The following TPM2 variants were observed in gnomAD, a reference collection of about 807,000 sequenced individuals.
TPM2 encodes the protein tropomyosin beta chain.
Under a neutral mutation model 41.0 loss-of-function variants are expected in TPM2, and 26 were observed. The observed-to-expected ratio is 0.63, with a 90% CI of 0.46 to 0.88. The LOEUF is 0.88. TPM2 is among the 40% of genes least tolerant of loss of function. TPM2 has a pLI of 0.00. For synonymous variants in TPM2, 143 were observed against 139.3 expected, an observed-to-expected ratio of 1.03 and a Z score of -0.19; for missense variants, 187 against 355.2, an observed-to-expected ratio of 0.53 and a Z score of 3.81.
In TPM2 at chr9:35,683,243, T is replaced by TGGGG; in HGVS notation, c.773-6_773-3dup. Reference sequence around the variant, plus strand: ...TCATCTTCTGGGCATAGACTTCATCTGGGGGGGGTCCAGGGAGGGGACCAG... The same window carrying TGGGG: ...TCATCTTCTGGGCATAGACTTCATCTGGGGGGGGGGGGTCCAGGGAGGGGACCAG... On this transcript the variant is annotated splice_polypyrimidine_tract_variant and splice_region_variant and intron_variant, in intron 8 of 8. Transcript: ENST00000645482. The TGGGG allele has an allele frequency of 6.7e-7, 1 of 1,493,472 alleles. No individual in the cohort carries two copies. The highest frequency in any genetic ancestry group is 9.1e-7 in the Non-Finnish European group (1 of 1,096,532). The allele number at this position is 1,493,472 out of a possible 1,614,324, so 92.5% of individuals were successfully genotyped here.
chr9:35,686,662 A>G (rs1397717744), intron 2 of TPM2, among the ~76,000 whole-genome samples: 1 of 146,610 alleles, frequency 6.8e-6, no homozygotes, highest in Non-Finnish European at 1.5e-5. Flanking sequence ...AAAAAGTATC[A>G]AGTTCAGTGA....
chr9:35,685,313 T>C lies in TPM2; in HGVS notation c.519A>G (p.Glu173=). 6 of 1,614,182 alleles carry C rather than the reference T, an allele frequency of 3.7e-6. No homozygotes were observed. Among genetic ancestry groups the C allele is most frequent in the Non-Finnish European group, 4.2e-6 (5 of 1,180,012 alleles). Residue 173 remains glutamate, a synonymous_variant, in exon 5 of 9, where the codon GAA becomes GAG. Transcript: ENST00000645482. This position sits in a 1 kb window ranked among gnomAD's most constrained non-coding sequence, Gnocchi z 5.0. ...EEVARKLVIL[E]GELERSEERA... ...TCTCCTCCGAGCGCTCCAGCTCTCCTTCCAGGATCACCAGCTTCCTGGCCA... is the reference window on the plus strand; with the variant it reads ...TCTCCTCCGAGCGCTCCAGCTCTCCCTCCAGGATCACCAGCTTCCTGGCCA...
chr9:35,689,996 C>A, upstream of TPM2: 1 of 1,462,756 alleles, frequency 6.8e-7, no homozygotes. Context: ...CAGGACCCTC[C>A]CCCACCTCGG....
chr9:35,683,374 G>A (rs1266360173), intron 8 of TPM2, 133 bp from the exon 9 acceptor site: 2 of 889,706 alleles, frequency 2.2e-6, no homozygotes, highest in Admixed American at 2.1e-5. Context: ...GAGAGAGGGA[G>A]GCCAGGGAAC....
chr9:35,683,567 A>G (rs1465936139), intron 8 of TPM2, among the ~76,000 whole-genome samples: 3 of 152,220 alleles, frequency 2.0e-5, no homozygotes, highest in African/African-American at 7.2e-5. Flanking sequence ...CTGGAGCCAG[A>G]AAGGGCAAAC....
At chr9:35,686,804 A>C (rs1363794794) in intron 2 of TPM2, among the ~76,000 whole-genome samples, 2 of 152,156 alleles carry the variant, frequency 1.3e-5, no homozygotes, top group Non-Finnish European at 2.9e-5. Flanking sequence ...ATGCAGGGGC[A>C]GTGTGAGGGA....
At chr9:35,684,966 C>A in intron 5 of TPM2, 159 bp from the exon 6 acceptor site, 1 of 1,612,596 alleles carries the variant, frequency 6.2e-7, no homozygotes, top group South Asian at 1.1e-5. Flanking sequence ...CTTCCTGATC[C>A]CCAGCAGCTG....
In TPM2 at chr9:35,685,019, TGA is replaced by T. The variant is rs753031113; in HGVS notation, c.564-214_564-213del. Reference sequence around the variant, plus strand: ...GTGCTGAGACGGAGGGAAGGTGAGCTGAGAGAAGGCGCCATTGCCCAGAAAGG... The same window carrying T: ...GTGCTGAGACGGAGGGAAGGTGAGCTGAGAAGGCGCCATTGCCCAGAAAGG... On this transcript the variant is annotated intron_variant, in intron 5 of 8. Transcript: ENST00000645482. The surrounding 1 kb of genome is among the most constrained non-coding windows in gnomAD (Gnocchi z 5.0). 205 of 1,614,130 alleles carry T rather than the reference TGA, an allele frequency of 1.3e-4. No homozygotes were observed. Among genetic ancestry groups the T allele is most frequent in the Non-Finnish European group, 1.6e-4 (183 of 1,179,996 alleles).
In TPM2 at chr9:35,685,392, T is replaced by C. The variant is rs765401257; in HGVS notation, c.492+42A>G. On this transcript the variant is annotated intron_variant, in intron 4 of 8. Coordinates refer to ENST00000645482, the MANE Select transcript of TPM2 (RefSeq NM_003289.4). The surrounding 1 kb of genome is among the most constrained non-coding windows in gnomAD (Gnocchi z 5.0). ...ATCAGTGGAGAAGGACTGGGCATGT[T>C]GCAGGCTGGGCAGCGAGCAGGCAGA... 1 of 1,614,154 alleles carries C rather than the reference T, an allele frequency of 6.2e-7. No homozygotes were observed. The highest frequency in any genetic ancestry group is 8.5e-7 in the Non-Finnish European group (1 of 1,180,004).
chr9:35,685,397 G>A lies in TPM2; in HGVS notation c.492+37C>T, dbSNP rs112951917. 1.2e-3 allele frequency: 1,903 copies of A among 1,614,160 alleles called. 17 individuals carry two copies. In the African/African-American group the frequency reaches 0.022, roughly 19 times the overall value. On this transcript the variant is annotated intron_variant, in intron 4 of 8. Coordinates refer to ENST00000645482, the MANE Select transcript of TPM2 (RefSeq NM_003289.4). The surrounding 1 kb of genome is among the most constrained non-coding windows in gnomAD (Gnocchi z 5.0). Reference sequence around the variant, plus strand: ...TGGAGAAGGACTGGGCATGTTGCAGGCTGGGCAGCGAGCAGGCAGAGGGGC... The same window carrying A: ...TGGAGAAGGACTGGGCATGTTGCAGACTGGGCAGCGAGCAGGCAGAGGGGC...
chr9:35,684,853 G>A (rs781408147), intron 5 of TPM2, 46 bp from the exon 6 acceptor site: 30 of 1,613,582 alleles, frequency 1.9e-5, no homozygotes, highest in Admixed American at 1.2e-4. Context: ...AGGGCACAGC[G>A]AAGCCAGACA....
At position 35,688,790 on chromosome 9, in the gene TPM2, G is replaced by A. The variant is rs1021762118; in HGVS notation, c.240+356C>T. Among the ~76,000 whole-genome samples the A allele has an allele frequency of 5.3e-5, 8 of 152,076 alleles. No individual in the cohort carries two copies. The South Asian group carries it at 1.7e-3, about 32-fold the overall frequency. On this transcript the variant is annotated intron_variant, in intron 2 of 8. Coordinates refer to ENST00000645482, the MANE Select transcript of TPM2 (RefSeq NM_003289.4). ...CATCCACATCCCCCCATCCCCAAAC[G>A]GCTGCAGTCTCCTCTCCAATTTCAG...
At chr9:35,688,687 A>C (rs1378542140) in intron 2 of TPM2, among the ~76,000 whole-genome samples, 1 of 152,102 alleles carries the variant, frequency 6.6e-6, no homozygotes, top group Admixed American at 6.6e-5. Flanking sequence ...GGGAATTTCT[A>C]ATGGCCCCTT....
chr9:35,684,918 TGA>T, intron 5 of TPM2, 111 bp from the exon 6 acceptor site: 1 of 1,609,950 alleles, frequency 6.2e-7, no homozygotes, highest in South Asian at 1.1e-5. Context: ...AGCAAAGTTG[TGA>T]GAGTGACAGC....
rs750511595 is a variant in TPM2, at chr9:35,684,827, G to GT, written c.564-21_564-20insA. 2.2e-5 allele frequency: 35 copies of GT among 1,613,394 alleles called. No homozygotes were observed. The highest frequency in any genetic ancestry group is 8.9e-5 in the East Asian group (4 of 44,872). On this transcript the variant is annotated intron_variant, in intron 5 of 8. Coordinates refer to ENST00000645482, the MANE Select transcript of TPM2 (RefSeq NM_003289.4). ...CATTTACTGCAGGGGGTGTGTGGCGGGGGGGGCAGGGTGTGAGGGCACAGC... is the reference window on the plus strand; with the variant it reads ...CATTTACTGCAGGGGGTGTGTGGCGGTGGGGGGCAGGGTGTGAGGGCACAGC...
chr9:35,685,751 G>C lies in TPM2; in HGVS notation c.270C>G (p.Arg90=). The C allele has an allele frequency of 6.2e-7, 1 of 1,614,200 alleles. No homozygotes were observed. Among genetic ancestry groups the C allele is most frequent in the South Asian group, 1.1e-5 (1 of 91,084 alleles). ...GCTCCTCCTCAACCAGCTGAATGCG[G>C]CGGTTCAGGGAGGCCACATCTGCCT... The part of the protein sequence containing the change: ...DAEADVASLN[R]RIQLVEEELD... Residue 90 remains arginine, a synonymous_variant, in exon 3 of 9, where the codon CGC becomes CGG. Transcript: ENST00000645482. The surrounding 1 kb of genome is among the most constrained non-coding windows in gnomAD (Gnocchi z 5.0).
downstream of TPM2, chr9:35,682,639 C>T (rs560124872): frequency 3.1e-6 from 4 of 1,308,030 alleles, no homozygotes; most frequent in Non-Finnish European, 4.0e-6. Context: ...TACTTCCTTT[C>T]CAGTCACTCT....
At chr9:35,682,070 G>A (rs1824595499), downstream of TPM2, 1 of 1,613,974 alleles carries the variant, frequency 6.2e-7, no homozygotes, top group Non-Finnish European at 8.5e-7. Flanking sequence ...GGCTGGGGGT[G>A]GGGCTGGCCC....
intron 1 of TPM2, chr9:35,689,478 C>T: frequency 1.1e-6 from 1 of 883,310 alleles, no homozygotes; most frequent in Non-Finnish European, 1.4e-6. Context: ...GGACCAACCG[C>T]GCTCTGCAAA....
Sources: allele counts gnomAD v4.1 joint callset (sites outside exome capture counted in the v4.1 genomes callset), GRCh38; gene constraint gnomAD v4.1.1; non-coding constraint Gnocchi (gnomAD v3.1); transcripts MANE v1.5; gene names NCBI Gene and HGNC (gene_info 2026-07-23, HGNC 2026-07-21).